The following CDH1 variants were observed in gnomAD, a reference collection of about 807,000 sequenced individuals.
CDH1 encodes cadherin 1.
In CDH1, 35 loss-of-function variants were observed where a neutral mutation model predicts 84.5. The ratio of observed to expected loss-of-function variants is 0.41; its 90% confidence interval spans 0.32 to 0.55. The LOEUF (loss-of-function observed/expected upper bound fraction) is 0.55, where lower values mean the gene tolerates loss of function less well. CDH1 is among the 20% of genes least tolerant of loss of function. The probability of loss-of-function intolerance (pLI) is 0.19; values close to 1 mark genes in which losing one functional copy is unlikely to be tolerated. For synonymous variants in CDH1, 417 were observed against 439.0 expected (o/e 0.95, Z 0.63); for missense variants, 994 against 1,126.6 (o/e 0.88, Z 1.68).
At chr16:68,818,383 C>T (rs1356698121) in intron 10 of CDH1, among the ~76,000 whole-genome samples, 3 of 151,860 alleles carry the variant, frequency 2.0e-5, no homozygotes, top group Admixed American at 2.0e-4. Flanking sequence ...GATGGTTCAG[C>T]AGAACAAGAA....
chr16:68,797,860 C>G (rs924088456), intron 2 of CDH1, among the ~76,000 whole-genome samples: 1 of 152,096 alleles, frequency 6.6e-6, no homozygotes, highest in Non-Finnish European at 1.5e-5. Context: ...GGGCAGATCA[C>G]TTGAGGTCAG....
At chr16:68,804,151 T>A (rs1008058123) in intron 3 of CDH1, among the ~76,000 whole-genome samples, 2 of 133,898 alleles carry the variant, frequency 1.5e-5, no homozygotes, top group Non-Finnish European at 3.1e-5. Context: ...TCTCGCTCTG[T>A]CACCCAGGCT....
chr16:68,819,178 A>T, intron 10 of CDH1, 102 bp from the exon 11 acceptor site: 1 of 1,363,558 alleles, frequency 7.3e-7, no homozygotes, highest in Non-Finnish European at 1.0e-6. Flanking sequence ...TCAAAATAAA[A>T]ACGTTGGAAG....
chr16:68,819,354 A>G lies in CDH1; in HGVS notation c.1640A>G (p.Glu547Gly), dbSNP rs2152136879. The part of the protein sequence containing the change: ...PDTGAISTRA[E>G]LDREDFEHVK... The stretch of plus-strand genomic sequence containing the variant: ...ACTGGTGCCATTTCCACTCGGGCTG[A>G]GCTGGACAGGGAGGATTTTGAGCAC... Residue 547 changes from glutamate to glycine, a missense_variant, in exon 11 of 16, where the codon GAG becomes GGG. Transcript: ENST00000261769. 6.2e-7 allele frequency: 1 copy of G among 1,614,092 alleles called. No homozygotes were observed. The highest frequency in any genetic ancestry group is 1.1e-5 in the South Asian group (1 of 91,076).
intron 15 of CDH1, among the ~76,000 whole-genome samples, chr16:68,832,880 C>T (rs924438196): frequency 6.6e-6 from 1 of 152,020 alleles, no homozygotes; most frequent in Non-Finnish European, 1.5e-5. Flanking sequence ...ACCCCCACTC[C>T]CCAGATTTAA....
intron 5 of CDH1, 99 bp from the exon 6 acceptor site, chr16:68,810,098 G>A: frequency 1.6e-6 from 2 of 1,244,366 alleles, no homozygotes; most frequent in Non-Finnish European, 2.4e-6. Flanking sequence ...GCCTAGGAAG[G>A]TGTGGCAGCC....
At position 68,815,467 on chromosome 16, in the gene CDH1, C is replaced by T. The variant is rs760644200; in HGVS notation, c.1321-48C>T. The T allele has an allele frequency of 9.9e-6, 16 of 1,611,986 alleles. No individual in the cohort carries two copies. The South Asian group carries it at 1.8e-4, about 18-fold the overall frequency. ...AAGGATTTAATTTTATTTTTACTAA[C>T]ACAAAATGTTTCGTTTTGTTTTTAA... On this transcript the variant is annotated intron_variant, in intron 9 of 15. Coordinates refer to ENST00000261769, the MANE Select transcript of CDH1 (RefSeq NM_004360.5).
chr16:68,787,629 C>T (rs1960091726), intron 2 of CDH1, among the ~76,000 whole-genome samples: 1 of 151,728 alleles, frequency 6.6e-6, no homozygotes, highest in African/African-American at 2.4e-5. Context: ...CAGGTGTGAA[C>T]CACCATGCCC....
chr16:68,834,550 T>G lies in CDH1; in HGVS notation c.*1051T>G. 3.9e-6 allele frequency: 1 copy of G among 257,882 alleles called. No homozygotes were observed. Among genetic ancestry groups the G allele is most frequent in the Admixed American group, 5.3e-5 (1 of 18,972 alleles). The allele number at this position is 257,882 out of a possible 1,614,324, so 16.0% of individuals were successfully genotyped here. A position where few individuals can be genotyped will look rare whatever the true frequency, so the allele number is the denominator to read the frequency against. ...TTAATATCAACTCTCACTCCTGAAT[T>G]CAGTTGCTTTGCCCAAGATAGGAGT... On this transcript the variant is annotated 3_prime_UTR_variant, in exon 16 of 16. Transcript: ENST00000261769.
chr16:68,795,925 C>A (rs1052423557), intron 2 of CDH1, among the ~76,000 whole-genome samples: 4 of 151,680 alleles, frequency 2.6e-5, no homozygotes, highest in African/African-American at 9.7e-5. Flanking sequence ...GCACTTTGGG[C>A]GGCCAAGGCA....
In CDH1 at chr16:68,823,479, C is replaced by A. The variant is rs587781701; in HGVS notation, c.2017C>A (p.Gln673Lys). ...AATCAATCTCAAGCTCATGGATAAC[C>A]AGAATAAAGACCAAGTGACCACCTT... is the stretch of plus-strand genomic sequence containing the variant. ...YKINLKLMDNQNKDQVTTLEV... is the reference protein window; with the variant it reads ...YKINLKLMDNKNKDQVTTLEV... Residue 673 changes from glutamine (Q) to lysine (K), a missense_variant, in exon 13 of 16, where the codon CAG (glutamine) becomes AAG (lysine). Gln to Lys is a moderately conservative substitution (Grantham distance 53, BLOSUM62 1). Transcript: ENST00000261769. The A allele has an allele frequency of 6.5e-5, 105 of 1,613,880 alleles. No individual in the cohort carries two copies. Among genetic ancestry groups the A allele is most frequent in the Non-Finnish European group, 8.1e-5 (96 of 1,179,996 alleles).
At chr16:68,765,797 G>A (rs1410046900) in intron 2 of CDH1, among the ~76,000 whole-genome samples, 1 of 151,452 alleles carries the variant, frequency 6.6e-6, no homozygotes, top group Admixed American at 6.6e-5. Flanking sequence ...TGTCACAGTT[G>A]GATCTAGTTT....
chr16:68,753,381 C>T (rs1475558936), intron 2 of CDH1, among the ~76,000 whole-genome samples: 1 of 151,536 alleles, frequency 6.6e-6, no homozygotes, highest in Non-Finnish European at 1.5e-5. Context: ...GAGTCTCCCT[C>T]TGTCACCCAG....
chr16:68,757,475 C>G (rs552242888), intron 2 of CDH1, among the ~76,000 whole-genome samples: 15 of 152,270 alleles, frequency 9.9e-5, no homozygotes, highest in East Asian at 1.9e-4. Flanking sequence ...TCTGCTAATC[C>G]TCTCACTTCC....
At chr16:68,767,449 C>T (rs1335933670) in intron 2 of CDH1, among the ~76,000 whole-genome samples, 1 of 152,186 alleles carries the variant, frequency 6.6e-6, no homozygotes, top group Non-Finnish European at 1.5e-5. Context: ...TCACCCACCT[C>T]AGCCTCCCAA....
intron 2 of CDH1, among the ~76,000 whole-genome samples, chr16:68,743,971 C>A (rs1345480067): frequency 6.6e-6 from 1 of 152,144 alleles, no homozygotes; most frequent in Non-Finnish European, 1.5e-5. Context: ...CCAGGCTAGA[C>A]CCTGAGGTTA....
rs2152130336 is a variant in CDH1 at position 68,808,857 on chromosome 16, C to T, written c.687+9C>T. The T allele has an allele frequency of 6.2e-7, 1 of 1,613,600 alleles. No homozygotes were observed. The highest frequency in any genetic ancestry group is 2.2e-5 in the East Asian group (1 of 44,880). On this transcript the variant is annotated intron_variant, in intron 5 of 15. Transcript: ENST00000261769. ...GCATTGCCACATACACTGTAAGTAT[C>T]TCTTAGAAGCTTGTTGACACCGGGG... is the stretch of plus-strand genomic sequence containing the variant.
chr16:68,808,186 A>G (rs770953311), intron 3 of CDH1, among the ~76,000 whole-genome samples: 5 of 152,216 alleles, frequency 3.3e-5, no homozygotes. Context: ...GGACACTAAG[A>G]AGGATAAAAA....
intron 2 of CDH1, among the ~76,000 whole-genome samples, chr16:68,753,178 A>G (rs1314243038): frequency 1.5e-5 from 2 of 129,242 alleles, no homozygotes; most frequent in African/African-American, 6.1e-5. Flanking sequence ...GCGCCACTGC[A>G]CTCCAGCCTG....
Sources: gnomAD v4.1 joint callset for allele counts (sites outside exome capture counted in the v4.1 genomes callset) on GRCh38, gnomAD v4.1.1 for gene constraint, MANE v1.5 for transcripts, NCBI Gene and HGNC (gene_info 2026-07-23, HGNC 2026-07-21) for gene names.